The following TMEM235 variants were observed in gnomAD, a reference collection of about 807,000 sequenced individuals.
The protein encoded by TMEM235 is transmembrane protein 235, also known as claudin-27.
Under a neutral mutation model 22.9 loss-of-function variants are expected in TMEM235, and 23 were observed. The observed-to-expected ratio is 1.00, with a 90% CI of 0.72 to 1.42. TMEM235 has a LOEUF of 1.42. Among genes scored for constraint, TMEM235 ranks in the 40% most tolerant of loss-of-function variants. The pLI is 0.00. For missense variants in TMEM235, 308 were observed against 299.5 expected (o/e 1.03, Z -0.21); for synonymous variants, 137 against 140.5 (o/e 0.98, Z 0.17).
At position 78,239,013 on chromosome 17, in the gene TMEM235, C is replaced by T; in HGVS notation, c.410-11C>T. On this transcript the variant is annotated splice_polypyrimidine_tract_variant and intron_variant, in intron 4 of 5. Transcript: ENST00000421688. ...GACACCGAGCAGCTGCCCTCCCCAT[C>T]TCTCCCCCAGGTGTCCTGACACTGG... 1 of 1,532,792 alleles carries T rather than the reference C, an allele frequency of 6.5e-7. No individual in the cohort carries two copies. Among genetic ancestry groups the T allele is most frequent in the African/African-American group, 1.4e-5 (1 of 73,028 alleles). The allele number at this position is 1,532,792 out of a possible 1,614,324, so 94.9% of individuals were successfully genotyped here.
chr17:78,231,558 G>A (rs891985595), exon 2 of TMEM235: 7 of 1,303,838 alleles, frequency 5.4e-6, no homozygotes, highest in Non-Finnish European at 7.1e-6. Flanking sequence ...CCAGGAGCAC[G>A]GGTGGGTGGT....
In TMEM235 at chr17:78,236,408, G is replaced by A. The variant is rs934529846; in HGVS notation, c.409+1678G>A. ...CCCAGCACAGGCTGAGACTGTAACC[G>A]GTAACCACCCATCCACTGACGCGGC... On this transcript the variant is annotated intron_variant, in intron 4 of 5. Coordinates refer to ENST00000421688, the Ensembl canonical transcript of TMEM235. 3.9e-5 allele frequency among the ~76,000 whole-genome samples: 6 copies of A among 152,242 alleles called. No homozygotes were observed. In the East Asian group the frequency reaches 5.8e-4, roughly 15 times the overall value.
chr17:78,234,468 T>C, intron 3 of TMEM235, 125 bp from the exon 3 acceptor site: 1 of 1,390,400 alleles, frequency 7.2e-7, no homozygotes, highest in Admixed American at 2.0e-5. Flanking sequence ...TCCAGTGGTG[T>C]CCACAGAGAT....
exon 2 of TMEM235, chr17:78,231,715 AGGGACCCG>A (rs2076580842): frequency 7.9e-7 from 1 of 1,269,280 alleles, no homozygotes; most frequent in African/African-American, 1.5e-5. Flanking sequence ...GAACGTGCCC[AGGGACCCG>A]GGGCCAGCCC....
exon 2 of TMEM235, chr17:78,231,861 G>A (rs1231476342): frequency 8.7e-7 from 1 of 1,144,550 alleles, no homozygotes; most frequent in South Asian, 1.7e-5. Flanking sequence ...GACCCCAGGG[G>A]GCCCGCGAGG....
Position 78,239,156 on chromosome 17 carries a change from C to CT in TMEM235, c.542_543insT (p.Trp182LeufsTer104). 1 of 1,542,688 alleles carries CT rather than the reference C, an allele frequency of 6.5e-7. No individual in the cohort carries two copies. ...AGCTTCGGCTGGTCCATGGCCCTGGCCTGGGGCTCCTGTGCCTTGGAGGCA... is the reference window on the plus strand; with the variant it reads ...AGCTTCGGCTGGTCCATGGCCCTGGCTCTGGGGCTCCTGTGCCTTGGAGGCA... On this transcript the variant is annotated frameshift_variant, in exon 5 of 6. Coordinates refer to ENST00000421688, the Ensembl canonical transcript of TMEM235. LOFTEE classifies it high-confidence loss of function.
chr17:78,240,888 C>G (rs1413068355), exon 6 of TMEM235: 1 of 152,210 alleles, frequency 6.6e-6, no homozygotes, highest in Non-Finnish European at 1.5e-5. Flanking sequence ...ATCACTTGTG[C>G]TGTGTGCAGT....
exon 2 of TMEM235, chr17:78,231,845 C>A: frequency 8.5e-7 from 1 of 1,174,352 alleles, no homozygotes; most frequent in Non-Finnish European, 1.1e-6. Flanking sequence ...GGGTCGATCT[C>A]CCTGCGACCC....
chr17:78,233,169 AG>A (rs146964573), intron 2 of TMEM235, among the ~76,000 whole-genome samples: 1,693 of 152,362 alleles, frequency 0.011, 31 homozygotes, highest in African/African-American at 0.038. Flanking sequence ...GTGCCTATGC[AG>A]GTGGCTCTGC....
chr17:78,234,005 C>T, intron 3 of TMEM235, 30 bp downstream of exon 2: 3 of 1,488,994 alleles, frequency 2.0e-6, no homozygotes, highest in Non-Finnish European at 2.7e-6. Context: ...ACCTCCCCAT[C>T]CTTTCCAAAT....
In TMEM235 at chr17:78,236,077, G is replaced by A. The variant is rs114842979; in HGVS notation, c.409+1347G>A. ...TATCATTCCACATGCGATTCGGGCC[G>A]GGACACCAAACCCTAGCACCGTGAT... On this transcript the variant is annotated intron_variant, in intron 4 of 5. Transcript: ENST00000421688. Among the ~76,000 whole-genome samples the A allele has an allele frequency of 9.4e-3, 1,433 of 152,274 alleles. 20 individuals carry two copies. The highest frequency in any genetic ancestry group is 0.032 in the African/African-American group (1,341 of 41,550).
At chr17:78,234,817 C>T (rs752719838) in intron 4 of TMEM235, 87 bp downstream of exon 3, 15 of 1,493,318 alleles carry the variant, frequency 1.0e-5, no homozygotes, top group African/African-American at 2.8e-5. Flanking sequence ...TCCTGTTGCC[C>T]TCGTCCCCTG....
At chr17:78,239,813 C>T (rs993085673) in exon 6 of TMEM235, 4 of 1,550,748 alleles carry the variant, frequency 2.6e-6, no homozygotes, top group Non-Finnish European at 1.7e-6. Flanking sequence ...GGCAGAGGGA[C>T]CCACCCAGAT....
At chr17:78,236,495 C>T (rs1441309742) in intron 4 of TMEM235, among the ~76,000 whole-genome samples, 2 of 152,196 alleles carry the variant, frequency 1.3e-5, no homozygotes, top group Non-Finnish European at 2.9e-5. Context: ...CTCCGAGGGC[C>T]CCCCAGTCCC....
At chr17:78,240,983 T>C (rs1334123393) in exon 6 of TMEM235, 1 of 152,276 alleles carries the variant, frequency 6.6e-6, no homozygotes, top group African/African-American at 2.4e-5. Flanking sequence ...GAGCAAACAC[T>C]GTCACCAGCT....
chr17:78,234,112 G>A, intron 3 of TMEM235, 137 bp downstream of exon 2: 1 of 801,284 alleles, frequency 1.2e-6, no homozygotes, highest in Non-Finnish European at 2.0e-6. Flanking sequence ...ACGCAGACCT[G>A]TCCCAGTGCT....
chr17:78,233,796 G>C, intron 2 of TMEM235, 99 bp from the exon 2 acceptor site: 1 of 1,006,944 alleles, frequency 9.9e-7, no homozygotes, highest in Non-Finnish European at 1.5e-6. Context: ...AAGAGAAGCT[G>C]GCAGGGCCCT....
At chr17:78,232,726 C>T (rs1477633753) in intron 2 of TMEM235, among the ~76,000 whole-genome samples, 1 of 150,912 alleles carries the variant, frequency 6.6e-6, no homozygotes, top group Non-Finnish European at 1.5e-5. Context: ...GGGCCCCCTC[C>T]GTTCCCCCCA....
intron 2 of TMEM235, among the ~76,000 whole-genome samples, chr17:78,232,427 C>T (rs1442494049): frequency 6.6e-6 from 1 of 152,210 alleles, no homozygotes; most frequent in East Asian, 1.9e-4. Flanking sequence ...GGAGGGAGCC[C>T]AGTTCGGGGC....
Sources: gnomAD v4.1 joint callset for allele counts (sites outside exome capture counted in the v4.1 genomes callset) on GRCh38, gnomAD v4.1.1 for gene constraint, MANE v1.5 for transcripts, NCBI Gene and HGNC (gene_info 2026-07-23, HGNC 2026-07-21) for gene names.